PDE1A: variants seen among roughly 807,000 people sequenced by gnomAD.
PDE1A encodes the protein phosphodiesterase 1A, also known as dual specificity calcium/calmodulin-dependent 3',5'-cyclic nucleotide phosphodiesterase 1A.
A neutral mutation model predicts 61.7 loss-of-function variants in PDE1A; 35 were observed. The observed-to-expected ratio is 0.57, with a 90% confidence interval of 0.43 to 0.75. The LOEUF (loss-of-function observed/expected upper bound fraction) is 0.75. Ranked by LOEUF, PDE1A falls within the 30% of genes least tolerant of loss-of-function variation. PDE1A has a pLI of 0.00. For synonymous variants in PDE1A, 232 were observed against 213.2 expected (o/e 1.09, Z -0.77); for missense variants, 597 against 630.6 (o/e 0.95, Z 0.57).
the PDE1A span, among the ~76,000 whole-genome samples, chr2:182,648,077 A>G: frequency 2.6e-5 from 4 of 152,164 alleles, no homozygotes; most frequent in Non-Finnish European, 5.9e-5. Context: ...CTCAGCCCGG[A>G]CCTACTAAAC....
At chr2:182,306,340 A>G (rs1695583141) in intron 1 of PDE1A, among the ~76,000 whole-genome samples, 1 of 152,112 alleles carries the variant, frequency 6.6e-6, no homozygotes, top group African/African-American at 2.4e-5. Context: ...AATTCTTTGG[A>G]TACATACACA....
At chr2:182,280,608 G>A (rs188200553) in intron 1 of PDE1A, among the ~76,000 whole-genome samples, 113 of 152,046 alleles carry the variant, frequency 7.4e-4, no homozygotes, top group Admixed American at 5.6e-3. Context: ...GTTAGGGGGA[G>A]TCCTATGCCT....
chr2:182,230,972 A>T, intron 5 of PDE1A, 43 bp downstream of exon 5: 1 of 917,502 alleles, frequency 1.1e-6, no homozygotes. Context: ...TTACTCAAAT[A>T]ACCAATTCTA....
At chr2:182,660,645 T>C in the PDE1A span, among the ~76,000 whole-genome samples, 4 of 152,206 alleles carry the variant, frequency 2.6e-5, no homozygotes, top group African/African-American at 9.6e-5. Flanking sequence ...TGTAGCCATG[T>C]TGCAAGCTGT....
the PDE1A span, among the ~76,000 whole-genome samples, chr2:182,691,442 G>T: frequency 2.6e-5 from 4 of 152,080 alleles, no homozygotes; most frequent in African/African-American, 7.2e-5. Context: ...GTATTCTCTA[G>T]TTAACAAATG....
At chr2:182,533,098 G>T in the PDE1A span, among the ~76,000 whole-genome samples, 3 of 152,124 alleles carry the variant, frequency 2.0e-5, no homozygotes, top group Non-Finnish European at 4.4e-5. Flanking sequence ...GATCATTTGA[G>T]GTCAAGAGTT....
chr2:182,694,355 A>T, the PDE1A span, among the ~76,000 whole-genome samples: 3 of 152,216 alleles, frequency 2.0e-5, no homozygotes, highest in Non-Finnish European at 2.9e-5. Flanking sequence ...TTTTGCCAGT[A>T]CTGCAGAGTC....
intron 2 of PDE1A, among the ~76,000 whole-genome samples, chr2:182,435,385 C>G (rs1684332831): frequency 6.6e-6 from 1 of 151,934 alleles, no homozygotes; most frequent in Non-Finnish European, 1.5e-5. Flanking sequence ...AGATATTCAA[C>G]TAGCAGGATA....
At chr2:182,168,600 G>A (rs1691823065) in intron 13 of PDE1A, among the ~76,000 whole-genome samples, 1 of 151,902 alleles carries the variant, frequency 6.6e-6, no homozygotes, top group African/African-American at 2.4e-5. Flanking sequence ...AACTCTAGTT[G>A]TTATCAACTA....
At chr2:182,453,806 A>G (rs933808325) in intron 2 of PDE1A, among the ~76,000 whole-genome samples, 3 of 152,172 alleles carry the variant, frequency 2.0e-5, no homozygotes, top group Non-Finnish European at 4.4e-5. Context: ...CCCACAGCCA[A>G]TATCATACTG....
intron 3 of PDE1A, among the ~76,000 whole-genome samples, chr2:182,238,266 C>CAAAAAAAAAAAAA (rs3063250): frequency 0.026 from 2,487 of 97,382 alleles, 90 homozygotes; most frequent in Admixed American, 0.055. Flanking sequence ...CAGACTACGT[C>CAAAAAAAAAAAAA]AAAAAAAAAA....
At chr2:182,658,309 G>A in the PDE1A span, among the ~76,000 whole-genome samples, 26 of 152,206 alleles carry the variant, frequency 1.7e-4, no homozygotes, top group East Asian at 4.8e-3. Context: ...GATGTTCCTT[G>A]CCTTGCAATT....
chr2:182,481,270 T>C (rs1687685735), intron 2 of PDE1A, among the ~76,000 whole-genome samples: 1 of 151,870 alleles, frequency 6.6e-6, no homozygotes, highest in East Asian at 1.9e-4. Flanking sequence ...TGTTTAGGCC[T>C]CAAGAAACCA....
At chr2:182,374,694 A>C (rs1176552386) in intron 1 of PDE1A, among the ~76,000 whole-genome samples, 3 of 152,234 alleles carry the variant, frequency 2.0e-5, no homozygotes, top group Non-Finnish European at 4.4e-5. Flanking sequence ...AAGACACACA[A>C]GTGGTGAATA....
At chr2:182,450,724 T>C (rs920534029) in intron 2 of PDE1A, among the ~76,000 whole-genome samples, 1 of 152,020 alleles carries the variant, frequency 6.6e-6, no homozygotes, top group Non-Finnish European at 1.5e-5. Context: ...CAGAGAGATG[T>C]TACATGAATA....
At chr2:182,426,046 C>T (rs1229860399) in intron 1 of PDE1A, among the ~76,000 whole-genome samples, 3 of 152,292 alleles carry the variant, frequency 2.0e-5, no homozygotes, top group East Asian at 3.9e-4. Flanking sequence ...GTCACAGATT[C>T]CACCACAGTG....
chr2:182,324,173 A>T (rs1331368672), intron 1 of PDE1A, among the ~76,000 whole-genome samples: 3 of 152,158 alleles, frequency 2.0e-5, no homozygotes, highest in African/African-American at 7.2e-5. Flanking sequence ...TAAGGGAGAT[A>T]GGAAAAGAAG....
chr2:182,497,706 C>T (rs571997534), intron 2 of PDE1A, among the ~76,000 whole-genome samples: 25 of 152,152 alleles, frequency 1.6e-4, no homozygotes, highest in African/African-American at 5.8e-4. Context: ...AAAGAAAGAC[C>T]TGTGGACACA....
At chr2:182,668,544 T>C in the PDE1A span, among the ~76,000 whole-genome samples, 1 of 151,884 alleles carries the variant, frequency 6.6e-6, no homozygotes, top group South Asian at 2.1e-4. Context: ...GGAAGAGAGA[T>C]GTCAGGTTTG....
Sources: allele counts gnomAD v4.1 joint callset (sites outside exome capture counted in the v4.1 genomes callset), GRCh38; gene constraint gnomAD v4.1.1; transcripts MANE v1.5; gene names NCBI Gene and HGNC (gene_info 2026-07-23, HGNC 2026-07-21).